The following DNMBP variants were observed in gnomAD, a reference collection of about 807,000 sequenced individuals.
DNMBP encodes the protein dynamin-binding protein.
In DNMBP, 87 loss-of-function variants were observed where a neutral mutation model predicts 150.0. The observed-to-expected ratio is 0.58, with a 90% CI of 0.49 to 0.69. DNMBP has a LOEUF of 0.69. DNMBP is among the 30% of genes least tolerant of loss of function. The pLI is 0.00. For missense variants in DNMBP, 1,774 were observed against 1,949.0 expected (o/e 0.91, Z 1.69); for synonymous variants, 711 against 750.4 (o/e 0.95, Z 0.86).
At chr10:99,935,011 G>A (rs373247917) in intron 4 of DNMBP, among the ~76,000 whole-genome samples, 2,180 of 134,460 alleles carry the variant, frequency 0.016, 35 homozygotes, top group African/African-American at 0.037. Flanking sequence ...AGTTGAGCCC[G>A]GGTGGTCAAG....
At chr10:99,987,391 T>C (rs974539380) in intron 1 of DNMBP, among the ~76,000 whole-genome samples, 3 of 152,018 alleles carry the variant, frequency 2.0e-5, no homozygotes, top group African/African-American at 7.2e-5. Flanking sequence ...CCCATGAATC[T>C]GGGGATAAAA....
At chr10:99,928,300 C>T (rs1268096389) in intron 4 of DNMBP, 1 of 152,160 alleles carries the variant, frequency 6.6e-6, no homozygotes, top group African/African-American at 2.4e-5. Context: ...GTGGTGGCCC[C>T]TAGTACAAAT....
intron 12 of DNMBP, among the ~76,000 whole-genome samples, chr10:99,887,812 G>A (rs1216536074): frequency 6.6e-6 from 1 of 152,054 alleles, no homozygotes; most frequent in Non-Finnish European, 1.5e-5. Flanking sequence ...CAAGAAATTT[G>A]GTCTTCAGTA....
intron 1 of DNMBP, among the ~76,000 whole-genome samples, chr10:99,982,376 G>A (rs2040787788): frequency 6.6e-6 from 1 of 152,040 alleles, no homozygotes. Flanking sequence ...CCCAGGAAGT[G>A]GAGGCTGCAG....
intron 15 of DNMBP, among the ~76,000 whole-genome samples, chr10:99,881,221 T>TC (rs1231308008): frequency 1.3e-5 from 2 of 151,624 alleles, no homozygotes; most frequent in East Asian, 3.9e-4. Context: ...AGAACGAAAC[T>TC]CCGTCTCAAA....
At chr10:99,888,201 T>G (rs2039499617) in intron 12 of DNMBP, among the ~76,000 whole-genome samples, 1 of 136,054 alleles carries the variant, frequency 7.4e-6, no homozygotes, top group Non-Finnish European at 1.6e-5. Context: ...CAAGGTTTTT[T>G]TTTTGTTTGT....
At chr10:99,953,633 A>T (rs2040447799) in intron 4 of DNMBP, among the ~76,000 whole-genome samples, 1 of 152,106 alleles carries the variant, frequency 6.6e-6, no homozygotes, top group Non-Finnish European at 1.5e-5. Flanking sequence ...CAGCCTGGGC[A>T]ATGTGACAAA....
chr10:99,959,714 G>A (rs1018931587), intron 3 of DNMBP, among the ~76,000 whole-genome samples: 1 of 151,548 alleles, frequency 6.6e-6, no homozygotes, highest in African/African-American at 2.4e-5. Context: ...AAAATTAGCC[G>A]GTGTGGTGGT....
In DNMBP at chr10:99,888,195, G is replaced by GT. The variant is rs111791997; in HGVS notation, c.3285+629dup. ...ATATTCCTAAATATTTGTCTTCAAG[G>GT]TTTTTTTTTTGTTTGTTTGTTTGTT... On this transcript the variant is annotated intron_variant, in intron 12 of 16. Coordinates refer to ENST00000324109, the MANE Select transcript of DNMBP (RefSeq NM_015221.4). 8.4e-3 allele frequency among the ~76,000 whole-genome samples: 1,175 copies of GT among 139,734 alleles called. 17 individuals are homozygous for GT. Among genetic ancestry groups the GT allele is most frequent in the African/African-American group, 0.029 (1,056 of 36,410 alleles). The allele number at this position is 139,734 out of a possible 152,430, so 91.7% of individuals were successfully genotyped here. A position where few individuals can be genotyped will look rare whatever the true frequency, so the allele number is the denominator to read the frequency against.
intron 4 of DNMBP, among the ~76,000 whole-genome samples, chr10:99,941,950 C>T (rs993661998): frequency 2.9e-4 from 44 of 152,166 alleles, no homozygotes; most frequent in African/African-American, 1.0e-3. Context: ...AGCCTCTGCC[C>T]TGTGTCTCTT....
chr10:99,879,752 G>T (rs2039333488), intron 16 of DNMBP, 59 bp downstream of exon 16: 1 of 1,592,434 alleles, frequency 6.3e-7, no homozygotes, highest in Admixed American at 1.7e-5. Context: ...ACCCCCGCTG[G>T]TACCCACAAC....
intron 1 of DNMBP, among the ~76,000 whole-genome samples, chr10:99,976,816 C>T (rs7077802): frequency 6.6e-6 from 1 of 151,572 alleles, no homozygotes; most frequent in Non-Finnish European, 1.5e-5. Context: ...TAATGTCCTG[C>T]AAACTTCTTA....
At position 99,917,141 on chromosome 10, in the gene DNMBP, G is replaced by A. The variant is rs559422747; in HGVS notation, c.2261-7995C>T. Among the ~76,000 whole-genome samples, 18 of 152,310 alleles carry A rather than the reference G, an allele frequency of 1.2e-4. 1 individual carries two copies. In the East Asian group the frequency reaches 1.5e-3, roughly 13 times the overall value. On this transcript the variant is annotated intron_variant, in intron 4 of 16. Coordinates refer to ENST00000324109, the MANE Select transcript of DNMBP (RefSeq NM_015221.4). ...GGGAGGCCAAGGCAGTGGATCACCC[G>A]AGGTCAGGAGTTCAAGACCAGCCTG...
Position 99,900,030 on chromosome 10 carries a change from C to T in DNMBP, c.2591G>A (p.Gly864Glu). 2 of 1,614,080 alleles carry T rather than the reference C, an allele frequency of 1.2e-6. No homozygotes were observed. Among genetic ancestry groups the T allele is most frequent in the South Asian group, 2.2e-5 (2 of 91,068 alleles). ...ATTCTGGCAGTAAATCTTGTATGTT[C>T]CCTCAAGCTCATCCCGGTGACCAAG... The part of the protein sequence containing the change: ...VFLGHRDELE[G>E]TYKIYCQNHD... Residue 864 changes from glycine (G) to glutamate (E), a missense_variant, in exon 7 of 17, where the codon GGA becomes GAA. Gly to Glu is a moderately conservative substitution (Grantham distance 98). Transcript: ENST00000324109.
intron 2 of DNMBP, among the ~76,000 whole-genome samples, chr10:99,969,607 A>G (rs544599659): frequency 2.0e-5 from 3 of 152,362 alleles, no homozygotes; most frequent in Admixed American, 6.5e-5. Flanking sequence ...TAAGTACACA[A>G]ATTGTTACGG....
intron 1 of DNMBP, among the ~76,000 whole-genome samples, chr10:100,007,712 A>T (rs917187329): frequency 6.6e-6 from 1 of 152,206 alleles, no homozygotes; most frequent in Non-Finnish European, 1.5e-5. Context: ...AACACAACTA[A>T]AAGTTAACAT....
chr10:99,890,573 C>T (rs965721393), intron 11 of DNMBP, among the ~76,000 whole-genome samples: 1 of 152,160 alleles, frequency 6.6e-6, no homozygotes, highest in Non-Finnish European at 1.5e-5. Flanking sequence ...AGAGGGATAT[C>T]AGCATGAGAG....
intron 13 of DNMBP, among the ~76,000 whole-genome samples, 161 bp from the exon 14 acceptor site, chr10:99,886,027 C>A (rs1248992296): frequency 6.6e-6 from 1 of 152,232 alleles, no homozygotes; most frequent in Non-Finnish European, 1.5e-5. Flanking sequence ...GCTACCGACA[C>A]AGCAGCCTGA....
intron 11 of DNMBP, among the ~76,000 whole-genome samples, chr10:99,894,410 G>A (rs1421334555): frequency 6.6e-6 from 1 of 152,186 alleles, no homozygotes; most frequent in East Asian, 1.9e-4. Context: ...GGCAAGGAAA[G>A]ACCTAGGCTC....
Sources: allele counts gnomAD v4.1 joint callset (sites outside exome capture counted in the v4.1 genomes callset), GRCh38; gene constraint gnomAD v4.1.1; transcripts MANE v1.5; gene names NCBI Gene and HGNC (gene_info 2026-07-23, HGNC 2026-07-21).